The following CISTR variants were observed in gnomAD, a reference collection of about 807,000 sequenced individuals.
CISTR encodes the protein chondrogenic regulator lncRNA.
In CISTR at chr12:53,756,892, T is replaced by G. The variant is rs188418646; in HGVS notation, n.336A>C. The G allele has an allele frequency of 6.6e-6, 1 of 152,426 alleles. No homozygotes were observed. Among genetic ancestry groups the G allele is most frequent in the East Asian group, 1.9e-4 (1 of 5,158 alleles). 9.4% of individuals were successfully genotyped at this position (152,426 alleles called of 1,614,324 possible). A position where few individuals can be genotyped will look rare whatever the true frequency, so the allele number is the denominator to read the frequency against. Reference sequence around the variant, plus strand: ...TGGAAGAGCGCAGGCAAGTCCTGACTTAGGGAAGCTTTTGTGAGCTGGCTC... The same window carrying G: ...TGGAAGAGCGCAGGCAAGTCCTGACGTAGGGAAGCTTTTGTGAGCTGGCTC... On this transcript the variant is annotated non_coding_transcript_exon_variant, in exon 1 of 3. Coordinates refer to ENST00000669269, the Ensembl canonical transcript of CISTR. The surrounding 1 kb of genome is among the most constrained non-coding windows in gnomAD (Gnocchi z 4.0).
chr12:53,752,112 C>G (rs1388602328), intron 1 of CISTR, among the ~76,000 whole-genome samples: 1 of 152,128 alleles, frequency 6.6e-6, no homozygotes. Context: ...CCTACACCCC[C>G]TTGGGCTCCC....
rs1937849577 is a variant in CISTR, at chr12:53,751,467, G to A, written n.415-502C>T. The stretch of plus-strand genomic sequence containing the variant: ...CCCGGCGGCCGCGAATTCATTAGTG[G>A]GGGGCGGATGTAAACGCAGCGCGGT... On this transcript the variant is annotated intron_variant and non_coding_transcript_variant, in intron 1 of 2. Coordinates refer to ENST00000669269, the Ensembl canonical transcript of CISTR. The surrounding 1 kb of genome is among the most constrained non-coding windows in gnomAD (Gnocchi z 4.6). Among the ~76,000 whole-genome samples the A allele has an allele frequency of 6.6e-6, 1 of 152,028 alleles. No homozygotes were observed. The highest frequency in any genetic ancestry group is 2.1e-4 in the South Asian group (1 of 4,812).
chr12:53,752,091 C>T lies in CISTR; in HGVS notation n.415-1126G>A, dbSNP rs375180463. ...CTCTGCAGCCGGGCTCCTCGCTGCC[C>T]GCTGGCGCTGCCTACACCCCCTTGG... On this transcript the variant is annotated intron_variant and non_coding_transcript_variant, in intron 1 of 2. Coordinates refer to ENST00000669269, the Ensembl canonical transcript of CISTR. 1.1e-4 allele frequency among the ~76,000 whole-genome samples: 17 copies of T among 152,254 alleles called. No homozygotes were observed. The East Asian group carries it at 2.1e-3, about 19-fold the overall frequency.
Position 53,756,726 on chromosome 12 carries a change from A to AGGTGTGTGTGTGTGTG in CISTR, n.414+87_414+88insCACACACACACACACC, listed in dbSNP as rs1555168531. On this transcript the variant is annotated intron_variant and non_coding_transcript_variant, in intron 1 of 2. Coordinates refer to ENST00000669269, the Ensembl canonical transcript of CISTR. This position sits in a 1 kb window ranked among gnomAD's most constrained non-coding sequence, Gnocchi z 4.0. ...AGTCAGAGTGGGCTGTGGGTCAGTG[A>AGGTGTGTGTGTGTGTG]TGTGTGTGTGTGTGTGTGTGTGTGT... is the stretch of plus-strand genomic sequence containing the variant. 7.6e-6 allele frequency: 1 copy of AGGTGTGTGTGTGTGTG among 132,302 alleles called. No individual in the cohort carries two copies. The highest frequency in any genetic ancestry group is 7.4e-5 in the Admixed American group (1 of 13,446). 8.2% of individuals were successfully genotyped at this position (132,302 alleles called of 1,614,324 possible). A position where few individuals can be genotyped will look rare whatever the true frequency, so the allele number is the denominator to read the frequency against.
intron 2 of CISTR, among the ~76,000 whole-genome samples, chr12:53,749,749 G>A (rs1937825584): frequency 6.6e-6 from 1 of 152,092 alleles, no homozygotes; most frequent in South Asian, 2.1e-4. Context: ...GTATCCTTTA[G>A]GGGTAGATCT....
intron 2 of CISTR, among the ~76,000 whole-genome samples, chr12:53,747,949 C>T (rs747121526): frequency 4.8e-4 from 73 of 152,146 alleles, no homozygotes; most frequent in Admixed American, 2.0e-3. Context: ...TAAAGCTCCT[C>T]CAGTCGGCTT....
chr12:53,750,931 C>G (rs948689617), exon 2 of CISTR: 1 of 152,778 alleles, frequency 6.5e-6, no homozygotes, highest in Non-Finnish European at 1.5e-5. Flanking sequence ...TCGCTGAGGT[C>G]GTGACAAGGA....
chr12:53,749,468 G>A (rs1937821636), intron 2 of CISTR, among the ~76,000 whole-genome samples: 1 of 151,962 alleles, frequency 6.6e-6, no homozygotes, highest in Non-Finnish European at 1.5e-5. Context: ...TGCTGGGCTG[G>A]AATCAACCCA....
chr12:53,747,903 C>A (rs1937801143), intron 2 of CISTR, among the ~76,000 whole-genome samples: 1 of 152,088 alleles, frequency 6.6e-6, no homozygotes, highest in Non-Finnish European at 1.5e-5. Context: ...GACAACTCTC[C>A]CAAGCAGTTT....
chr12:53,752,762 G>T (rs1399805905), intron 1 of CISTR, among the ~76,000 whole-genome samples: 6 of 152,212 alleles, frequency 3.9e-5, no homozygotes, highest in Admixed American at 1.3e-4. Flanking sequence ...AAGAAGTGCT[G>T]CTGAGTGTGT....
intron 2 of CISTR, among the ~76,000 whole-genome samples, chr12:53,749,382 AG>A (rs573961708): frequency 8.2e-4 from 124 of 151,418 alleles, no homozygotes; most frequent in African/African-American, 2.9e-3. Context: ...ACGGAGAGAG[AG>A]GGGGCTGTTG....
chr12:53,747,109 TAGGGTCACTCAGAGTTTTAAAATC>T (rs1744567515), intron 2 of CISTR, among the ~76,000 whole-genome samples: 1 of 152,224 alleles, frequency 6.6e-6, no homozygotes, highest in African/African-American at 2.4e-5. Context: ...CCTGTATTCC[TAGGGTCACTCAGAGTTTTAAAATC>T]AGGGTCTGGT....
chr12:53,750,396 T>G (rs536054285), exon 2 of CISTR: 44 of 152,572 alleles, frequency 2.9e-4, no homozygotes, highest in African/African-American at 1.0e-3. Flanking sequence ...AGCAACGAGC[T>G]GGATTCAGGA....
chr12:53,746,498 A>C (rs1181674710), exon 3 of CISTR, among the ~76,000 whole-genome samples: 1 of 152,146 alleles, frequency 6.6e-6, no homozygotes, highest in Admixed American at 6.5e-5. Context: ...GTCATCTGCT[A>C]TACCATGAAG....
At chr12:53,747,023 T>C (rs2120729303) in intron 2 of CISTR, among the ~76,000 whole-genome samples, 1 of 152,332 alleles carries the variant, frequency 6.6e-6, no homozygotes, top group Non-Finnish European at 1.5e-5. Flanking sequence ...TTTTGGAAAG[T>C]GGATAGTGGA....
At chr12:53,754,879 T>C (rs1937898869) in intron 1 of CISTR, among the ~76,000 whole-genome samples, 1 of 152,138 alleles carries the variant, frequency 6.6e-6, no homozygotes, top group East Asian at 1.9e-4. Context: ...ATATGCTGAA[T>C]TTTTTTTCTC....
At chr12:53,754,995 T>C (rs895764326) in intron 1 of CISTR, among the ~76,000 whole-genome samples, 4 of 152,166 alleles carry the variant, frequency 2.6e-5, no homozygotes, top group East Asian at 3.8e-4. Flanking sequence ...ACTGGGTTCA[T>C]AGGGTGCGTC....
chr12:53,747,405 A>G (rs1025761725), intron 2 of CISTR, among the ~76,000 whole-genome samples: 2 of 151,910 alleles, frequency 1.3e-5, no homozygotes, highest in Non-Finnish European at 2.9e-5. Context: ...CTCATTAGTG[A>G]TTGCCTGTCT....
intron 2 of CISTR, among the ~76,000 whole-genome samples, chr12:53,747,035 A>G (rs991941587): frequency 2.0e-5 from 3 of 152,216 alleles, no homozygotes; most frequent in Non-Finnish European, 2.9e-5. Context: ...GATAGTGGAG[A>G]CAAGGGGCCG....
Sources: allele counts gnomAD v4.1 joint callset (sites outside exome capture counted in the v4.1 genomes callset), GRCh38; gene constraint gnomAD v4.1.1; non-coding constraint Gnocchi (gnomAD v3.1); transcripts MANE v1.5; gene names NCBI Gene and HGNC (gene_info 2026-07-23, HGNC 2026-07-21).